Variants in STXBP3 observed in about 807,000 individuals in gnomAD.
STXBP3 encodes syntaxin binding protein 3, also known as syntaxin-binding protein 3.
STXBP3 carries 41 observed loss-of-function variants against 85.7 expected under a neutral mutation model. The ratio of observed to expected loss-of-function variants is 0.48; its 90% CI spans 0.37 to 0.62. The LOEUF (loss-of-function observed/expected upper bound fraction) is 0.62. STXBP3 is among the 20% of genes least tolerant of loss of function. STXBP3 has a pLI of 0.00. For synonymous variants in STXBP3, 229 were observed against 231.7 expected (o/e 0.99, Z 0.10); for missense variants, 563 against 703.1 (o/e 0.80, Z 2.25).
intron 3 of STXBP3, among the ~76,000 whole-genome samples, chr1:108,754,487 AG>A (rs1570746698): frequency 1.3e-5 from 2 of 152,226 alleles, no homozygotes; most frequent in African/African-American, 4.8e-5. Flanking sequence ...AAGTTTTTTA[AG>A]TTCTGAAAGG....
intron 3 of STXBP3, 99 bp from the exon 4 acceptor site, chr1:108,756,565 GTTTTCATATTATTTGTAAATGTATTT>G: frequency 2.2e-6 from 1 of 462,102 alleles, no homozygotes; most frequent in Non-Finnish European, 3.6e-6. Context: ...AAATGTTTTT[GTTTTCATATTATTTGTAAATGTATTT>G]TCATATTATT....
chr1:108,796,880 T>C (rs1301020695), intron 15 of STXBP3, among the ~76,000 whole-genome samples, 154 bp downstream of exon 15: 1 of 152,164 alleles, frequency 6.6e-6, no homozygotes, highest in Non-Finnish European at 1.5e-5. Context: ...CTCTTTTCCA[T>C]ATGTAATTTG....
intron 11 of STXBP3, among the ~76,000 whole-genome samples, chr1:108,790,635 CT>C (rs1439140467): frequency 6.6e-6 from 1 of 151,372 alleles, no homozygotes; most frequent in Admixed American, 6.6e-5. Context: ...ATATTCTATT[CT>C]TTTCCTTCTT....
chr1:108,795,021 C>T (rs1198695752), intron 13 of STXBP3, 114 bp downstream of exon 13: 1 of 828,632 alleles, frequency 1.2e-6, no homozygotes, highest in African/African-American at 1.7e-5. Context: ...GAATCACAGA[C>T]TCTCTCTTAT....
At chr1:108,779,166 T>G in intron 8 of STXBP3, 120 bp from the exon 9 acceptor site, 1 of 1,069,934 alleles carries the variant, frequency 9.3e-7, no homozygotes, top group Admixed American at 2.5e-5. Flanking sequence ...CTGTTGTATG[T>G]TTTTGGTGGG....
At chr1:108,778,937 T>TA (rs1406918244) in intron 8 of STXBP3, among the ~76,000 whole-genome samples, 1 of 152,126 alleles carries the variant, frequency 6.6e-6, no homozygotes, top group Non-Finnish European at 1.5e-5. Context: ...ATCCTGCAAA[T>TA]ACTGTATTTT....
At chr1:108,758,483 G>T in intron 4 of STXBP3, 27 bp from the exon 5 acceptor site, 1 of 1,150,638 alleles carries the variant, frequency 8.7e-7, no homozygotes, top group Non-Finnish European at 1.2e-6. Context: ...TTAATAAAAT[G>T]TGTATTAACA....
Position 108,798,134 on chromosome 1 carries a change from A to G in STXBP3, c.1357-11A>G, listed in dbSNP as rs1389223798. 1 of 1,583,802 alleles carries G rather than the reference A, an allele frequency of 6.3e-7. No homozygotes were observed. Among genetic ancestry groups the G allele is most frequent in the African/African-American group, 1.4e-5 (1 of 72,548 alleles). On this transcript the variant is annotated splice_polypyrimidine_tract_variant and intron_variant, in intron 15 of 18. Coordinates refer to ENST00000370008, the MANE Select transcript of STXBP3 (RefSeq NM_007269.4). The stretch of plus-strand genomic sequence containing the variant: ...TACTGGTTTTTAATTTTTTTCCTCT[A>G]ATTGTATTAGTCTCAACAAGGCAAA...
intron 3 of STXBP3, 86 bp downstream of exon 3, chr1:108,753,230 T>C: frequency 1.1e-6 from 1 of 873,922 alleles, no homozygotes; most frequent in Non-Finnish European, 1.7e-6. Context: ...GTTGTGTTTC[T>C]AAGGAGCTTA....
At chr1:108,806,011 T>C (rs912709991) in intron 17 of STXBP3, among the ~76,000 whole-genome samples, 1 of 152,218 alleles carries the variant, frequency 6.6e-6, no homozygotes, top group African/African-American at 2.4e-5. Flanking sequence ...TGGGTACTTA[T>C]TTTTACCTAA....
chr1:108,784,126 T>C (rs1245661409), intron 11 of STXBP3, among the ~76,000 whole-genome samples: 1 of 152,230 alleles, frequency 6.6e-6, no homozygotes, highest in African/African-American at 2.4e-5. Context: ...TTTTATACTT[T>C]CTCTGTGTCC....
At chr1:108,751,568 G>A (rs1225895783) in intron 1 of STXBP3, among the ~76,000 whole-genome samples, 1 of 151,882 alleles carries the variant, frequency 6.6e-6, no homozygotes, top group Non-Finnish European at 1.5e-5. Context: ...GTATTACTAT[G>A]TATTACTACC....
intron 1 of STXBP3, among the ~76,000 whole-genome samples, chr1:108,751,854 T>C (rs1661912837): frequency 6.6e-6 from 1 of 152,128 alleles, no homozygotes; most frequent in Non-Finnish European, 1.5e-5. Flanking sequence ...GTATGAAAAA[T>C]GTTTATGCAG....
chr1:108,774,820 G>T (rs1340938684), intron 7 of STXBP3, among the ~76,000 whole-genome samples: 1 of 151,922 alleles, frequency 6.6e-6, no homozygotes, highest in Non-Finnish European at 1.5e-5. Flanking sequence ...TTTGGCTCCT[G>T]TTAAGGGTTT....
At chr1:108,789,168 G>A (rs911111555) in intron 11 of STXBP3, among the ~76,000 whole-genome samples, 1 of 152,174 alleles carries the variant, frequency 6.6e-6, no homozygotes, top group Non-Finnish European at 1.5e-5. Flanking sequence ...TTAATTAGCT[G>A]ATTTTTACTC....
chr1:108,784,854 C>T (rs1012974433), intron 11 of STXBP3, among the ~76,000 whole-genome samples: 4 of 152,224 alleles, frequency 2.6e-5, no homozygotes, highest in Admixed American at 6.5e-5. Flanking sequence ...TTACAGGCCC[C>T]ATGCAGGTCC....
intron 1 of STXBP3, among the ~76,000 whole-genome samples, chr1:108,751,855 G>T (rs1277029): frequency 0.7 from 106,917 of 152,016 alleles, 38,609 homozygotes; most frequent in Non-Finnish European, 0.77. Context: ...TATGAAAAAT[G>T]TTTATGCAGA....
At chr1:108,760,343 AAG>A (rs1200721413) in intron 6 of STXBP3, among the ~76,000 whole-genome samples, 2 of 152,178 alleles carry the variant, frequency 1.3e-5, no homozygotes, top group African/African-American at 2.4e-5. Context: ...TTATGAAATC[AAG>A]AGAGTTTTGA....
rs539698503 is a variant in STXBP3 at position 108,758,503 on chromosome 1, T to C, written c.259-7T>C. On this transcript the variant is annotated splice_region_variant and splice_polypyrimidine_tract_variant and intron_variant, in intron 4 of 18. Transcript: ENST00000370008. ...AAAATGTGTATTAACATCTAACCTT[T>C]TTTAAGTCTGTAGATTGTTTCTTAC... The C allele has an allele frequency of 1.1e-5, 17 of 1,480,968 alleles. No individual in the cohort carries two copies. In the East Asian group the frequency reaches 1.2e-4, roughly 10 times the overall value. 91.7% of individuals were successfully genotyped at this position (1,480,968 alleles called of 1,614,324 possible). A position where few individuals can be genotyped will look rare whatever the true frequency, so the allele number is the denominator to read the frequency against.
Sources: allele counts gnomAD v4.1 joint callset (sites outside exome capture counted in the v4.1 genomes callset), GRCh38; gene constraint gnomAD v4.1.1; transcripts MANE v1.5; gene names NCBI Gene and HGNC (gene_info 2026-07-23, HGNC 2026-07-21).